TSHZ2: variants seen among roughly 807,000 people sequenced by gnomAD.
The protein encoded by TSHZ2 is teashirt zinc finger homeobox 2, also known as teashirt homolog 2.
Under a neutral mutation model 74.4 loss-of-function variants are expected in TSHZ2, and 21 were observed. The observed-to-expected ratio is 0.28, with a 90% CI of 0.20 to 0.41. The LOEUF (loss-of-function observed/expected upper bound fraction) is 0.41, where lower values mean the gene tolerates loss of function less well. Ranked by LOEUF, TSHZ2 falls within the 10% of genes least tolerant of loss-of-function variation. The pLI is 1.00. For missense variants in TSHZ2, 1,244 were observed against 1,293.5 expected, an observed-to-expected ratio of 0.96 and a Z score of 0.59; for synonymous variants, 540 against 515.3, an observed-to-expected ratio of 1.05 and a Z score of -0.65.
chr20:53,453,295 A>G (rs189379471), intron 2 of TSHZ2, among the ~76,000 whole-genome samples: 73 of 152,348 alleles, frequency 4.8e-4, no homozygotes, highest in Non-Finnish European at 9.0e-4. Context: ...ACAATGAACA[A>G]TTTAATCTTT....
intron 1 of TSHZ2, among the ~76,000 whole-genome samples, chr20:53,093,346 T>A (rs553964514): frequency 1.3e-5 from 2 of 152,332 alleles, no homozygotes; most frequent in African/African-American, 2.4e-5. Context: ...CTGTTGCCCA[T>A]AGGGAAGGAA....
At chr20:53,214,509 C>T (rs1989389982) in intron 1 of TSHZ2, among the ~76,000 whole-genome samples, 1 of 152,064 alleles carries the variant, frequency 6.6e-6, no homozygotes, top group African/African-American at 2.4e-5. Context: ...AATATCGTGG[C>T]CAAGACAAAC....
chr20:53,425,290 A>G (rs1463731268), intron 2 of TSHZ2, among the ~76,000 whole-genome samples: 1 of 152,192 alleles, frequency 6.6e-6, no homozygotes, highest in African/African-American at 2.4e-5. Flanking sequence ...GAACCTCATT[A>G]TCATTCCAAA....
At chr20:53,338,919 A>G (rs1394324539) in intron 2 of TSHZ2, among the ~76,000 whole-genome samples, 1 of 152,214 alleles carries the variant, frequency 6.6e-6, no homozygotes, top group African/African-American at 2.4e-5. Flanking sequence ...GGAGCCAGGC[A>G]TGCATTGCAG....
Position 53,240,714 on chromosome 20 carries a change from A to T in TSHZ2, c.41-12785A>T, listed in dbSNP as rs533290714. 1.2e-3 allele frequency among the ~76,000 whole-genome samples: 162 copies of T among 134,846 alleles called. 1 individual carries two copies. The highest frequency in any genetic ancestry group is 9.4e-4 in the Non-Finnish European group (59 of 62,464). 88.5% of individuals were successfully genotyped at this position (134,846 alleles called of 152,430 possible). On this transcript the variant is annotated intron_variant, in intron 1 of 2. Coordinates refer to ENST00000371497, the MANE Select transcript of TSHZ2 (RefSeq NM_173485.6). ...AACTCGACTGTGCATTAAAATAGAT[A>T]GATAGATGATAGATAGATAGATAGA...
chr20:53,309,155 G>T (rs186667164), intron 2 of TSHZ2, among the ~76,000 whole-genome samples: 92 of 152,320 alleles, frequency 6.0e-4, no homozygotes, highest in Non-Finnish European at 1.0e-4. Context: ...GACAGCCCAA[G>T]AGGTCTTGGG....
At chr20:53,032,699 T>C (rs907556879) in intron 1 of TSHZ2, among the ~76,000 whole-genome samples, 4 of 152,024 alleles carry the variant, frequency 2.6e-5, no homozygotes, top group Non-Finnish European at 5.9e-5. Flanking sequence ...TGAGAACCGA[T>C]GAGGAGGCGT....
At chr20:53,252,326 C>T (rs147232075) in intron 1 of TSHZ2, among the ~76,000 whole-genome samples, 16 of 152,290 alleles carry the variant, frequency 1.1e-4, no homozygotes, top group Admixed American at 3.3e-4. Context: ...GTTTTCCCCA[C>T]GTCGCTACCT....
At chr20:53,451,224 A>T (rs897836397) in intron 2 of TSHZ2, among the ~76,000 whole-genome samples, 9 of 152,192 alleles carry the variant, frequency 5.9e-5, no homozygotes, top group Non-Finnish European at 1.3e-4. Flanking sequence ...TAATTTTTTC[A>T]GTTTCTGGTT....
At chr20:53,250,901 TTGTGTGTGTGTGTG>T (rs11472057) in intron 1 of TSHZ2, among the ~76,000 whole-genome samples, 2 of 148,900 alleles carry the variant, frequency 1.3e-5, no homozygotes, top group Admixed American at 6.7e-5. Flanking sequence ...GGTGGGCAGA[TTGTGTGTGTGTGTG>T]TGTGTGTGTG....
chr20:53,316,591 CA>C (rs397936955), intron 2 of TSHZ2, among the ~76,000 whole-genome samples: 2,454 of 139,346 alleles, frequency 0.018, 22 homozygotes, highest in African/African-American at 0.025. Context: ...TTAAAAATGA[CA>C]AAAAAAAAAA....
chr20:53,329,794 G>A (rs1050898236), intron 2 of TSHZ2, among the ~76,000 whole-genome samples: 2 of 152,014 alleles, frequency 1.3e-5, no homozygotes, highest in African/African-American at 4.8e-5. Context: ...TAACTAATAG[G>A]CATCCACTGG....
intron 1 of TSHZ2, among the ~76,000 whole-genome samples, chr20:53,101,794 C>T (rs193169796): frequency 6.6e-6 from 1 of 152,128 alleles, no homozygotes; most frequent in East Asian, 1.9e-4. Context: ...CTGTAGAGGT[C>T]GTATTGGTGA....
intron 2 of TSHZ2, among the ~76,000 whole-genome samples, chr20:53,472,063 C>A (rs751018998): frequency 2.0e-5 from 3 of 152,124 alleles, no homozygotes; most frequent in East Asian, 1.9e-4. Flanking sequence ...CCTAGGCCTC[C>A]CAAAGTGCTG....
At chr20:53,185,609 G>T in intron 1 of TSHZ2, 4 of 1,534,006 alleles carry the variant, frequency 2.6e-6, no homozygotes, top group South Asian at 1.2e-5. Context: ...TACAGAGCAA[G>T]ACTCCATCTC....
chr20:53,251,065 A>C (rs2123714583), intron 1 of TSHZ2, among the ~76,000 whole-genome samples: 1 of 152,324 alleles, frequency 6.6e-6, no homozygotes, highest in South Asian at 2.1e-4. Context: ...AGATGAATGA[A>C]ACCCAGAAAT....
chr20:53,420,895 G>A (rs1208421574), intron 2 of TSHZ2, among the ~76,000 whole-genome samples: 1 of 152,228 alleles, frequency 6.6e-6, no homozygotes, highest in Non-Finnish European at 1.5e-5. Flanking sequence ...TTGCAGTAAA[G>A]TCTTGCTCAG....
At chr20:53,094,155 T>C (rs1568756140) in intron 1 of TSHZ2, among the ~76,000 whole-genome samples, 1 of 152,192 alleles carries the variant, frequency 6.6e-6, no homozygotes, top group Non-Finnish European at 1.5e-5. Context: ...CAAAGTTAGA[T>C]AGTTGAGTAG....
chr20:52,991,617 G>A (rs1444975407), intron 1 of TSHZ2, among the ~76,000 whole-genome samples: 1 of 150,086 alleles, frequency 6.7e-6, no homozygotes, highest in Admixed American at 6.6e-5. Flanking sequence ...TGTGGATTAT[G>A]TATGTTGTGG....
Sources: gnomAD v4.1 joint callset for allele counts (sites outside exome capture counted in the v4.1 genomes callset) on GRCh38, gnomAD v4.1.1 for gene constraint, MANE v1.5 for transcripts, NCBI Gene and HGNC (gene_info 2026-07-23, HGNC 2026-07-21) for gene names.